Variants in DNAH1 observed in about 807,000 individuals in gnomAD.
DNAH1 encodes the protein dynein axonemal heavy chain 1.
A neutral mutation model predicts 484.3 loss-of-function variants in DNAH1; 327 were observed. That is an observed-to-expected ratio of 0.68 (90% confidence interval 0.62 to 0.74). DNAH1 has a LOEUF of 0.74. Ranked by LOEUF, DNAH1 falls within the 30% of genes least tolerant of loss-of-function variation. The probability of loss-of-function intolerance (pLI) is 0.00; values close to 1 mark genes in which losing one functional copy is unlikely to be tolerated. For synonymous variants in DNAH1, 2,192 were observed against 2,191.9 expected (o/e 1.00, Z 0.00); for missense variants, 5,052 against 5,546.8 (o/e 0.91, Z 2.83).
At chr3:52,332,007 T>G in intron 7 of DNAH1, 135 bp from the exon 8 acceptor site, 1 of 1,159,606 alleles carries the variant, frequency 8.6e-7, no homozygotes, top group Non-Finnish European at 1.2e-6. Flanking sequence ...ATTTCACAGA[T>G]GCAACAGGGG....
At position 52,400,461 on chromosome 3, in the gene DNAH1, G is replaced by T. The variant is rs1320380548; in HGVS notation, c.*15G>T. The T allele has an allele frequency of 6.2e-7, 1 of 1,613,818 alleles. No homozygotes were observed. The highest frequency in any genetic ancestry group is 8.5e-7 in the Non-Finnish European group (1 of 1,179,814). ...TGGACTACTAGACTCAGACAGAAGG[G>T]CTGGGGCCATTAAAGCTGAATTTTC... On this transcript the variant is annotated 3_prime_UTR_variant, in exon 78 of 78. Transcript: ENST00000420323.
chr3:52,400,175 TG>T lies in DNAH1; in HGVS notation c.12677-148del. 3 of 1,084,988 alleles carry T rather than the reference TG, an allele frequency of 2.8e-6. No homozygotes were observed. The East Asian group carries it at 7.1e-5, about 26-fold the overall frequency. 67.2% of individuals were successfully genotyped at this position (1,084,988 alleles called of 1,614,324 possible). A position where few individuals can be genotyped will look rare whatever the true frequency, so the allele number is the denominator to read the frequency against. On this transcript the variant is annotated intron_variant, in intron 77 of 77. Transcript: ENST00000420323. ...AGTAACCCTGGGCAGGCTTGAACCC[TG>T]GCCAGACCCCCTCATCAGGTAGGCT...
At chr3:52,328,440 T>TCC (rs1701429997) in intron 6 of DNAH1, among the ~76,000 whole-genome samples, 1 of 151,804 alleles carries the variant, frequency 6.6e-6, no homozygotes, top group Non-Finnish European at 1.5e-5. Context: ...CAAACACAAA[T>TCC]CCCCATCATC....
chr3:52,323,245 G>A (rs1408935055), intron 2 of DNAH1, among the ~76,000 whole-genome samples: 3 of 152,090 alleles, frequency 2.0e-5, no homozygotes, highest in Non-Finnish European at 4.4e-5. Context: ...ACAAAGACCT[G>A]GGGTCCCTGA....
chr3:52,395,172 C>T lies in DNAH1; in HGVS notation c.10968+113C>T. 2.0e-6 allele frequency: 3 copies of T among 1,496,302 alleles called. No individual in the cohort carries two copies. The South Asian group carries it at 4.0e-5, about 20-fold the overall frequency. 92.7% of individuals were successfully genotyped at this position (1,496,302 alleles called of 1,614,324 possible). A position where few individuals can be genotyped will look rare whatever the true frequency, so the allele number is the denominator to read the frequency against. ...TTGGCCAGGCCAGGACCCCTGCTTG[C>T]TCCCTAAAGGCTCTGAGGTTCCAGC... On this transcript the variant is annotated intron_variant, in intron 68 of 77. Coordinates refer to ENST00000420323, the MANE Select transcript of DNAH1 (RefSeq NM_015512.5). This position sits in a 1 kb window ranked among gnomAD's most constrained non-coding sequence, Gnocchi z 4.4.
chr3:52,386,902 G>A (rs774176615), intron 56 of DNAH1, 49 bp downstream of exon 56: 63 of 1,487,406 alleles, frequency 4.2e-5, no homozygotes, highest in Non-Finnish European at 4.9e-5. Flanking sequence ...GACAAGGCCC[G>A]CCCGGCAGGA....
In DNAH1 at chr3:52,353,499, A is replaced by G; in HGVS notation, c.3346A>G (p.Asn1116Asp). 6.2e-7 allele frequency: 1 copy of G among 1,613,948 alleles called. No homozygotes were observed. The highest frequency in any genetic ancestry group is 8.5e-7 in the Non-Finnish European group (1 of 1,179,904). Residue 1116 changes from asparagine (N) to aspartate (D), a missense_variant, in exon 20 of 78, where the codon AAC (asparagine) becomes GAC (aspartate). Physicochemically the swap from Asn to Asp is conservative, Grantham distance 23. Around this residue, in one of 4 missense-constraint regions of DNAH1, gnomAD observed 2,929 missense variants for 3,409.4 expected, o/e 0.86. Coordinates refer to ENST00000420323, the MANE Select transcript of DNAH1 (RefSeq NM_015512.5). This position sits in a 1 kb window ranked among gnomAD's most constrained non-coding sequence, Gnocchi z 5.0. ...MRIRHWETLS[N>D]QININVRPKA... ...GATCCGGCACTGGGAGACACTGTCC[A>G]ACCAGATCAACATCAATGTCAGGCC... is the stretch of plus-strand genomic sequence containing the variant.
intron 50 of DNAH1, 79 bp from the exon 51 acceptor site, chr3:52,383,307 T>C: frequency 1.5e-6 from 2 of 1,300,440 alleles, no homozygotes; most frequent in Admixed American, 1.9e-5. Flanking sequence ...AATGGAGCTG[T>C]TGTGAAGGTC....
Position 52,346,625 on chromosome 3 carries a change from A to T in DNAH1, c.1810A>T (p.Lys604Ter). ...SKLRKLMELV[K>*]YMLQDTLRFL... ...GCTGCGCAAGCTGATGGAGCTGGTG[A>T]AGTACATGCTGCAGGACACACTGCG... is the stretch of plus-strand genomic sequence containing the variant. The change falls in exon 11 of 78, where the codon AAG (lysine) becomes TAG (stop). Residue 604 changes from lysine (K) to a stop codon, truncating the protein, a stop_gained. Transcript: ENST00000420323. LOFTEE classifies it high-confidence loss of function. The T allele has an allele frequency of 1.2e-6, 2 of 1,614,048 alleles. No individual in the cohort carries two copies. Among genetic ancestry groups the T allele is most frequent in the Non-Finnish European group, 1.7e-6 (2 of 1,179,888 alleles).
At chr3:52,312,498 T>G (rs1578046845), upstream of DNAH1, among the ~76,000 whole-genome samples, 5 of 135,762 alleles carry the variant, frequency 3.7e-5, no homozygotes, top group Non-Finnish European at 4.7e-5. Context: ...TGAGATGGAG[T>G]CTCTCTCTGT....
chr3:52,352,092 G>C lies in DNAH1; in HGVS notation c.2860G>C (p.Glu954Gln). 1.3e-6 allele frequency: 2 copies of C among 1,579,110 alleles called. No individual in the cohort carries two copies. The highest frequency in any genetic ancestry group is 1.7e-6 in the Non-Finnish European group (2 of 1,162,904). ...MDQNNFQEKLEGLQLVVAGFS... is the reference protein window; with the variant it reads ...MDQNNFQEKLQGLQLVVAGFS... ...TCAGAACAACTTCCAAGAGAAGCTGGAAGGGCTGCAGGTGGGGCACAGCTG... is the reference window on the plus strand; with the variant it reads ...TCAGAACAACTTCCAAGAGAAGCTGCAAGGGCTGCAGGTGGGGCACAGCTG... Residue 954 changes from glutamate to glutamine, a missense_variant, in exon 17 of 78, where the codon GAA becomes CAA. Glu to Gln is a conservative substitution (Grantham distance 29). Coordinates refer to ENST00000420323, the MANE Select transcript of DNAH1 (RefSeq NM_015512.5).
rs1466224270 is a variant in DNAH1, at chr3:52,391,454, G to A, written c.9903G>A (p.Gln3301=). The A allele has an allele frequency of 6.2e-7, 1 of 1,610,832 alleles. No homozygotes were observed. Among genetic ancestry groups the A allele is most frequent in the Non-Finnish European group, 8.5e-7 (1 of 1,178,532 alleles). The change falls in exon 63 of 78, where the codon CAG becomes CAA. Residue 3301 remains glutamine, a synonymous_variant. Transcript: ENST00000420323. ...EPVLLKQTYK[Q]QGNTVLKLGD... is the part of the protein sequence containing the mutation. ...CCCACCCACCACAGACGTACAAGCA[G>A]CAGGGAAACACGGTGCTGAAGCTGG...
intron 65 of DNAH1, 112 bp from the exon 66 acceptor site, chr3:52,393,222 G>T: frequency 2.0e-6 from 3 of 1,538,002 alleles, no homozygotes; most frequent in Non-Finnish European, 2.7e-6. Context: ...TGCCCAAGAG[G>T]AGGCCCAGGC....
rs372649351 is a variant in DNAH1 at position 52,346,379 on chromosome 3, G to A, written c.1657-93G>A. ...TCCACAGTCAGATGAGCCCTGAGCC[G>A]CCCCAAGCACCCTGGTGCATAGAGT... On this transcript the variant is annotated intron_variant, in intron 10 of 77. Coordinates refer to ENST00000420323, the MANE Select transcript of DNAH1 (RefSeq NM_015512.5). 1.5e-4 allele frequency: 202 copies of A among 1,359,548 alleles called. 2 individuals carry two copies. Among genetic ancestry groups the A allele is most frequent in the South Asian group, 1.3e-3 (95 of 71,122 alleles). The allele number at this position is 1,359,548 out of a possible 1,614,324, so 84.2% of individuals were successfully genotyped here.
chr3:52,360,603 C>T (rs968826651), intron 28 of DNAH1, among the ~76,000 whole-genome samples, 179 bp downstream of exon 28: 2 of 152,138 alleles, frequency 1.3e-5, no homozygotes, highest in African/African-American at 4.8e-5. Context: ...GGAGTGACTT[C>T]GGGCAGGTGA....
At chr3:52,398,364 C>T in intron 75 of DNAH1, among the ~76,000 whole-genome samples, 1 of 152,220 alleles carries the variant, frequency 6.6e-6, no homozygotes, top group Non-Finnish European at 1.5e-5. Context: ...TCACTGCAAC[C>T]TCCACCTCCC....
At chr3:52,387,487 A>T (rs753362313) in intron 56 of DNAH1, among the ~76,000 whole-genome samples, 5 of 152,176 alleles carry the variant, frequency 3.3e-5, no homozygotes, top group Non-Finnish European at 5.9e-5. Context: ...ACTGTGTGTC[A>T]GTATCAGGCC....
Position 52,356,733 on chromosome 3 carries a change from G to A in DNAH1, c.3813G>A (p.Glu1271=), listed in dbSNP as rs1341144067. Residue 1271 remains glutamate (E), a synonymous_variant, in exon 22 of 78, where the codon GAG becomes GAA. Coordinates refer to ENST00000420323, the MANE Select transcript of DNAH1 (RefSeq NM_015512.5). ...AGAGCAAGCGCTACCAGACCATGGA[G>A]CGGATCTGGAAGAAGATCATGAAGA... The part of the protein sequence containing the change: ...PVESKRYQTM[E]RIWKKIMKNA... The A allele has an allele frequency of 4.3e-6, 7 of 1,613,668 alleles. No homozygotes were observed. The highest frequency in any genetic ancestry group is 5.9e-6 in the Non-Finnish European group (7 of 1,179,766).
chr3:52,360,233 AC>A, intron 27 of DNAH1, 77 bp from the exon 28 acceptor site: 1 of 1,505,320 alleles, frequency 6.6e-7, no homozygotes, highest in Non-Finnish European at 9.1e-7. Context: ...CCCAAAAAGA[AC>A]CCTCTCTCCT....
Sources: gnomAD v4.1 joint callset for allele counts (sites outside exome capture counted in the v4.1 genomes callset) on GRCh38, gnomAD v4.1.1 for gene constraint, gnomAD v4.1.1 regional missense constraint, Gnocchi (gnomAD v3.1) non-coding constraint, MANE v1.5 for transcripts, NCBI Gene and HGNC (gene_info 2026-07-23, HGNC 2026-07-21) for gene names.